Variants in PPP2R5C observed in about 807,000 individuals in gnomAD.
PPP2R5C encodes serine/threonine-protein phosphatase 2A 56 kDa regulatory subunit gamma isoform.
PPP2R5C carries 7 observed loss-of-function variants against 68.9 expected under a neutral mutation model. The observed-to-expected ratio is 0.10, with a 90% CI of 0.06 to 0.19. The LOEUF is 0.19. PPP2R5C is among the 10% of genes least tolerant of loss of function. The probability of loss-of-function intolerance (pLI) is 1.00; values close to 1 mark genes in which losing one functional copy is unlikely to be tolerated. For synonymous variants in PPP2R5C, 210 were observed against 222.2 expected, an observed-to-expected ratio of 0.95 and a Z score of 0.49; for missense variants, 348 against 641.3, an observed-to-expected ratio of 0.54 and a Z score of 4.94.
At chr14:101,919,227 C>T (rs1163311322) in intron 13 of PPP2R5C, among the ~76,000 whole-genome samples, 1 of 152,238 alleles carries the variant, frequency 6.6e-6, no homozygotes, top group African/African-American at 2.4e-5. Context: ...AATTCCTCAA[C>T]TCAGGTTAAG....
intron 13 of PPP2R5C, among the ~76,000 whole-genome samples, chr14:101,922,540 A>C (rs186780072): frequency 9.9e-4 from 149 of 150,900 alleles, no homozygotes; most frequent in African/African-American, 3.2e-3. Context: ...GTGGCTGGGC[A>C]CCATGGCTCA....
At chr14:101,868,580 A>C (rs1416278091) in intron 2 of PPP2R5C, among the ~76,000 whole-genome samples, 1 of 152,180 alleles carries the variant, frequency 6.6e-6, no homozygotes, top group Non-Finnish European at 1.5e-5. Context: ...TAAATATCAA[A>C]TTTTACACTT....
exon 1 of PPP2R5C, chr14:101,810,019 T>G: frequency 6.2e-7 from 1 of 1,613,928 alleles, no homozygotes; most frequent in South Asian, 1.1e-5. Flanking sequence ...CAGCCCGTGG[T>G]CCTTCTCCAT....
chr14:101,821,007 G>A (rs1288742510), intron 1 of PPP2R5C: 3 of 151,434 alleles, frequency 2.0e-5, no homozygotes, highest in Non-Finnish European at 4.4e-5. Context: ...GGACTTGGAA[G>A]TTTTTCTCGA....
rs1555403920 is a variant in PPP2R5C at position 101,919,980 on chromosome 14, A to AAAAACAAAAC, written c.1443+2037_1443+2038insCAAAACAAAA. On this transcript the variant is annotated intron_variant, in intron 13 of 13. Transcript: ENST00000334743. ...GCAAAACTCCGTCTCAAAAAAAAAA[A>AAAAACAAAAC]AAAAAAAAAAAACCAATTCTTACAC... is the stretch of plus-strand genomic sequence containing the variant. Among the ~76,000 whole-genome samples, 218 of 114,184 alleles carry AAAAACAAAAC rather than the reference A, an allele frequency of 1.9e-3. 4 individuals carry two copies. The highest frequency in any genetic ancestry group is 8.8e-3 in the African/African-American group (196 of 22,328). 74.9% of individuals were successfully genotyped at this position (114,184 alleles called of 152,430 possible).
chr14:101,904,453 A>T lies in PPP2R5C; in HGVS notation c.1024-1949A>T, dbSNP rs562869073. Reference sequence around the variant, plus strand: ...GCGTGAGCCACCATGCCCGGCCTAGATGGTTGCTTTTTAAAGTACAAGGTA... The same window carrying T: ...GCGTGAGCCACCATGCCCGGCCTAGTTGGTTGCTTTTTAAAGTACAAGGTA... On this transcript the variant is annotated intron_variant, in intron 9 of 13. Coordinates refer to ENST00000334743, the Ensembl canonical transcript of PPP2R5C. Among the ~76,000 whole-genome samples the T allele has an allele frequency of 5.9e-5, 9 of 152,232 alleles. No individual in the cohort carries two copies. In the East Asian group the frequency reaches 1.7e-3, roughly 29 times the overall value.
chr14:101,768,423 A>C (rs569969842), intron 2 of PPP2R5C, among the ~76,000 whole-genome samples: 1 of 152,344 alleles, frequency 6.6e-6, no homozygotes, highest in South Asian at 2.1e-4. Context: ...ATTTTTCCTT[A>C]GAAATTAAAG....
intron 1 of PPP2R5C, chr14:101,831,779 T>C (rs990197735): frequency 1.4e-6 from 1 of 702,228 alleles, no homozygotes; most frequent in Non-Finnish European, 2.6e-6. Context: ...GGGCCGACTG[T>C]GGGACTTGAA....
intron 1 of PPP2R5C, among the ~76,000 whole-genome samples, chr14:101,851,592 G>T (rs1256568132): frequency 6.6e-6 from 1 of 152,110 alleles, no homozygotes; most frequent in African/African-American, 2.4e-5. Flanking sequence ...ACATTCTGGG[G>T]TATCTTTTGA....
intron 1 of PPP2R5C, among the ~76,000 whole-genome samples, chr14:101,841,321 A>G (rs2041456373): frequency 6.6e-6 from 1 of 152,208 alleles, no homozygotes; most frequent in East Asian, 1.9e-4. Flanking sequence ...GACTGTGCCT[A>G]GTAATGGCCT....
intron 2 of PPP2R5C, among the ~76,000 whole-genome samples, chr14:101,764,122 G>C (rs1359470352): frequency 6.6e-6 from 1 of 152,228 alleles, no homozygotes; most frequent in Non-Finnish European, 1.5e-5. Flanking sequence ...AGTGAGCATT[G>C]CATCTACTTG....
intron 2 of PPP2R5C, chr14:101,765,187 G>C: frequency 1.4e-6 from 1 of 702,776 alleles, no homozygotes; most frequent in Non-Finnish European, 2.6e-6. Flanking sequence ...TACAGAGCTT[G>C]AAATTACCAC....
At chr14:101,869,041 T>G (rs747401471) in intron 2 of PPP2R5C, among the ~76,000 whole-genome samples, 2 of 152,168 alleles carry the variant, frequency 1.3e-5, no homozygotes, top group Non-Finnish European at 2.9e-5. Context: ...GCCTCCCGAG[T>G]AGAAGAACAG....
intron 12 of PPP2R5C, chr14:101,914,548 T>C (rs559421973): frequency 1.2e-5 from 2 of 168,740 alleles, no homozygotes; most frequent in East Asian, 3.4e-4. Context: ...CTGTGGAGAA[T>C]TGGTTTGCGG....
chr14:101,794,217 T>A (rs1251782736), intron 3 of PPP2R5C, among the ~76,000 whole-genome samples: 3 of 152,220 alleles, frequency 2.0e-5, no homozygotes, highest in Admixed American at 2.0e-4. Flanking sequence ...TCACTTTCAC[T>A]TATTTCTTGG....
At chr14:101,844,411 T>G (rs1425249106) in intron 1 of PPP2R5C, among the ~76,000 whole-genome samples, 4 of 152,220 alleles carry the variant, frequency 2.6e-5, no homozygotes, top group African/African-American at 9.6e-5. Context: ...CGTGTTGCTC[T>G]GTGGCCCTGA....
chr14:101,824,016 A>C (rs2040246087), intron 1 of PPP2R5C: 1 of 1,289,060 alleles, frequency 7.8e-7, no homozygotes, highest in Non-Finnish European at 1.0e-6. Context: ...CTCACTAGGC[A>C]CAGTGCCCAC....
chr14:101,812,736 C>A (rs1331301912), intron 1 of PPP2R5C, among the ~76,000 whole-genome samples: 1 of 152,118 alleles, frequency 6.6e-6, no homozygotes, highest in African/African-American at 2.4e-5. Flanking sequence ...TTGATCCATA[C>A]CACATGCCAG....
chr14:101,831,892 C>T (rs1489769545), intron 1 of PPP2R5C: 1 of 596,058 alleles, frequency 1.7e-6, no homozygotes. Flanking sequence ...TTTAACTTGT[C>T]CAAAGACATT....
Sources: allele counts gnomAD v4.1 joint callset (sites outside exome capture counted in the v4.1 genomes callset), GRCh38; gene constraint gnomAD v4.1.1; transcripts MANE v1.5; gene names NCBI Gene and HGNC (gene_info 2026-07-23, HGNC 2026-07-21).